Variants in SLC6A13 observed in about 807,000 individuals in gnomAD.
SLC6A13 encodes solute carrier family 6 member 13.
SLC6A13 carries 69 observed loss-of-function variants against 72.9 expected under a neutral mutation model. The ratio of observed to expected loss-of-function variants is 0.95; its 90% CI spans 0.78 to 1.16. SLC6A13 has a LOEUF of 1.16. Ranked by LOEUF, SLC6A13 falls within the 50% of genes most tolerant of loss-of-function variation. SLC6A13 has a pLI of 0.00. For synonymous variants in SLC6A13, 303 were observed against 303.0 expected (o/e 1.00, Z 0.00); for missense variants, 735 against 760.5 (o/e 0.97, Z 0.39).
chr12:230,086 G>A lies in SLC6A13; in HGVS notation c.832-2418C>T, dbSNP rs536585833. ...CTGCCCAACAGGCCTGCTGGGATGG[G>A]GAAGAGAACGGGGTCAGAGCAAGCT... On this transcript the variant is annotated intron_variant, in intron 7 of 14. Transcript: ENST00000343164. 2.0e-5 allele frequency among the ~76,000 whole-genome samples: 3 copies of A among 152,250 alleles called. No individual in the cohort carries two copies. The East Asian group carries it at 5.8e-4, about 29-fold the overall frequency.
intron 2 of SLC6A13, among the ~76,000 whole-genome samples, chr12:251,818 G>A (rs971437234): frequency 3.3e-5 from 5 of 151,912 alleles, no homozygotes; most frequent in South Asian, 2.1e-4. Context: ...TTAATTTTCC[G>A]GGCATGGTGG....
intron 2 of SLC6A13, among the ~76,000 whole-genome samples, chr12:256,031 C>T (rs1194364703): frequency 1.3e-5 from 2 of 152,094 alleles, no homozygotes; most frequent in African/African-American, 2.4e-5. Context: ...CTCTCAATGA[C>T]CACCCTTTTA....
intron 12 of SLC6A13, 51 bp from the exon 13 acceptor site, chr12:222,683 C>A: frequency 8.2e-7 from 1 of 1,215,926 alleles, no homozygotes; most frequent in Non-Finnish European, 1.2e-6. Context: ...TCTTTGGCAC[C>A]CAGGACATCA....
chr12:245,947 C>T, intron 2 of SLC6A13, among the ~76,000 whole-genome samples: 1 of 151,748 alleles, frequency 6.6e-6, no homozygotes, highest in Non-Finnish European at 1.5e-5. Flanking sequence ...GAAACCCCAT[C>T]TCTACTAAAA....
intron 5 of SLC6A13, 45 bp downstream of exon 5, chr12:237,880 CT>C: frequency 7.1e-7 from 1 of 1,417,522 alleles, no homozygotes; most frequent in South Asian, 1.2e-5. Flanking sequence ...CCATACCCTT[CT>C]TCTGAACACA....
At position 235,209 on chromosome 12, in the gene SLC6A13, C is replaced by A. The variant is rs760276202; in HGVS notation, c.712G>T (p.Ala238Ser). The A allele has an allele frequency of 6.2e-6, 10 of 1,614,068 alleles. No individual in the cohort carries two copies. Among genetic ancestry groups the A allele is most frequent in the Non-Finnish European group, 8.5e-6 (10 of 1,180,036 alleles). The change falls in exon 7 of 15, where the codon GCC becomes TCC. Residue 238 changes from alanine to serine, a missense_variant. Coordinates refer to ENST00000343164, the MANE Select transcript of SLC6A13 (RefSeq NM_016615.5). ...ACCAGCATGAGGTAAGGAAATGTGG[C>A]CGTGAAGTACACCACCTGGTCATGG... Reference protein sequence around the residue: ...KSTGKVVYFTATFPYLMLVVL... With the variant: ...KSTGKVVYFTSTFPYLMLVVL...
chr12:244,500 G>A (rs1942281431), intron 2 of SLC6A13, among the ~76,000 whole-genome samples: 1 of 152,110 alleles, frequency 6.6e-6, no homozygotes, highest in African/African-American at 2.4e-5. Context: ...ACCAGCCTGG[G>A]CAACATGGGA....
chr12:226,037 G>A (rs1170702131), intron 9 of SLC6A13, among the ~76,000 whole-genome samples: 3 of 152,082 alleles, frequency 2.0e-5, no homozygotes, highest in Non-Finnish European at 4.4e-5. Context: ...TTAAGAAGGA[G>A]GCAAGAAATA....
At chr12:238,938 T>G (rs1296835063) in intron 4 of SLC6A13, among the ~76,000 whole-genome samples, 1 of 152,172 alleles carries the variant, frequency 6.6e-6, no homozygotes, top group African/African-American at 2.4e-5. Context: ...CTTAGATCAC[T>G]CTATGTCACA....
In SLC6A13 at chr12:226,472, A is replaced by C. The variant is rs773470953; in HGVS notation, c.978T>G (p.Phe326Leu). ...TGGAGAAGATGGCAAAGCCGGCCACAAAGCTGGTGCCGCTGTTGAGGAAGC... is the reference window on the plus strand; with the variant it reads ...TGGAGAAGATGGCAAAGCCGGCCACCAAGCTGGTGCCGCTGTTGAGGAAGC... The part of the protein sequence containing the change: ...ALCFLNSGTS[F>L]VAGFAIFSIL... The change falls in exon 9 of 15, where the codon TTT (phenylalanine) becomes TTG (leucine). Residue 326 changes from phenylalanine to leucine, a missense_variant. Physicochemically the swap from Phe to Leu is conservative, Grantham distance 22. Transcript: ENST00000343164. 2 of 1,614,108 alleles carry C rather than the reference A, an allele frequency of 1.2e-6. No individual in the cohort carries two copies. Among genetic ancestry groups the C allele is most frequent in the South Asian group, 1.1e-5 (1 of 91,084 alleles).
chr12:257,655 C>G (rs764592391), intron 2 of SLC6A13, among the ~76,000 whole-genome samples: 1 of 152,102 alleles, frequency 6.6e-6, no homozygotes, highest in Non-Finnish European at 1.5e-5. Flanking sequence ...GGGTACTCTG[C>G]GTTCCCACAC....
chr12:259,669 G>A (rs1942863039), intron 2 of SLC6A13, 182 bp downstream of exon 2: 17 of 1,459,608 alleles, frequency 1.2e-5, no homozygotes, highest in Non-Finnish European at 1.5e-5. Flanking sequence ...AGAGCCCTGG[G>A]ATAGTCACGT....
intron 1 of SLC6A13, 166 bp downstream of exon 1, chr12:262,623 T>A (rs1358426048): frequency 1.4e-5 from 13 of 925,884 alleles, no homozygotes; most frequent in Non-Finnish European, 1.4e-5. Context: ...TTTCAGAAAG[T>A]CAAGAAAATA....
intron 4 of SLC6A13, among the ~76,000 whole-genome samples, chr12:242,098 C>G (rs1321251315): frequency 6.6e-6 from 1 of 152,134 alleles, no homozygotes; most frequent in African/African-American, 2.4e-5. Flanking sequence ...GCCAACAACG[C>G]GTTTCTCAGA....
intron 4 of SLC6A13, among the ~76,000 whole-genome samples, chr12:238,761 G>A (rs1347800393): frequency 6.6e-6 from 1 of 152,118 alleles, no homozygotes; most frequent in Non-Finnish European, 1.5e-5. Context: ...GTGTAGGCTG[G>A]AACCCAGGTC....
Position 260,023 on chromosome 12 carries a change from A to G in SLC6A13, c.30T>C (p.Ser10=). ...GATACACTGGTTTTGTCTCTCCATT[A>G]CTGGTTGTGCCTGAGACCCTGCTAT... is the stretch of plus-strand genomic sequence containing the variant. MDSRVSGTT[S]NGETKPVYPV... The change falls in exon 2 of 15, where the codon AGT becomes AGC. Residue 10 remains serine, a synonymous_variant. Coordinates refer to ENST00000343164, the MANE Select transcript of SLC6A13 (RefSeq NM_016615.5). 1 of 1,613,980 alleles carries G rather than the reference A, an allele frequency of 6.2e-7. No individual in the cohort carries two copies. The highest frequency in any genetic ancestry group is 8.5e-7 in the Non-Finnish European group (1 of 1,179,962).
At chr12:250,230 G>T (rs185994474) in intron 2 of SLC6A13, among the ~76,000 whole-genome samples, 2 of 152,208 alleles carry the variant, frequency 1.3e-5, no homozygotes, top group African/African-American at 4.8e-5. Flanking sequence ...AATAAAACAA[G>T]TGTCTATTCT....
At position 259,893 on chromosome 12, in the gene SLC6A13, T is replaced by A; in HGVS notation, c.160A>T (p.Asn54Tyr). Residue 54 changes from asparagine to tyrosine, a missense_variant, in exon 2 of 15, where the codon AAC becomes TAC. Transcript: ENST00000343164. ...CAGAGATAGGGAAACCTCCAGACGT[T>A]GCCTAAGCCAATGATCTCCCCAGCC... Reference protein sequence around the residue: ...SVAGEIIGLGNVWRFPYLCYK... With the variant: ...SVAGEIIGLGYVWRFPYLCYK... 1 of 1,614,186 alleles carries A rather than the reference T, an allele frequency of 6.2e-7. No homozygotes were observed. The highest frequency in any genetic ancestry group is 8.5e-7 in the Non-Finnish European group (1 of 1,180,012).
intron 2 of SLC6A13, among the ~76,000 whole-genome samples, chr12:255,925 C>T (rs1942727853): frequency 6.6e-6 from 1 of 152,136 alleles, no homozygotes; most frequent in African/African-American, 2.4e-5. Context: ...TTCGTTTCAA[C>T]CTTTGTTTCC....
Sources: allele counts gnomAD v4.1 joint callset (sites outside exome capture counted in the v4.1 genomes callset), GRCh38; gene constraint gnomAD v4.1.1; transcripts MANE v1.5; gene names NCBI Gene and HGNC (gene_info 2026-07-23, HGNC 2026-07-21).